The following ZCCHC17 variants were observed in gnomAD, a reference collection of about 807,000 sequenced individuals.
The protein encoded by ZCCHC17 is zinc finger CCHC-type containing 17, also known as zinc finger CCHC domain-containing protein 17.
Under a neutral mutation model 30.6 loss-of-function variants are expected in ZCCHC17, and 18 were observed. That is an observed-to-expected ratio of 0.59 (90% CI 0.41 to 0.87). The LOEUF is 0.87. Ranked by LOEUF, ZCCHC17 falls within the 40% of genes least tolerant of loss-of-function variation. The pLI is 0.00. For synonymous variants in ZCCHC17, 88 were observed against 92.4 expected (o/e 0.95, Z 0.27); for missense variants, 263 against 284.2 (o/e 0.93, Z 0.54).
chr1:31,341,817 A>C (rs1245283150), intron 5 of ZCCHC17, among the ~76,000 whole-genome samples: 1 of 152,256 alleles, frequency 6.6e-6, no homozygotes, highest in Non-Finnish European at 1.5e-5. Context: ...GTAAGGAGCC[A>C]GCTTCATGTC....
chr1:31,361,350 T>A (rs575287102), intron 7 of ZCCHC17, among the ~76,000 whole-genome samples: 1 of 152,226 alleles, frequency 6.6e-6, no homozygotes, highest in Admixed American at 6.5e-5. Context: ...GAAAAATACA[T>A]ATAGCTCCCA....
intron 3 of ZCCHC17, among the ~76,000 whole-genome samples, chr1:31,334,122 A>G (rs967782633): frequency 1.3e-5 from 2 of 152,206 alleles, no homozygotes; most frequent in African/African-American, 4.8e-5. Context: ...CATAATGTAT[A>G]TAAAACATTT....
chr1:31,344,785 G>A (rs1299918021), intron 5 of ZCCHC17, among the ~76,000 whole-genome samples: 2 of 152,134 alleles, frequency 1.3e-5, no homozygotes, highest in Non-Finnish European at 2.9e-5. Flanking sequence ...CAAATAGATA[G>A]GTGAAAGCAA....
chr1:31,341,657 T>G (rs1471728034), intron 5 of ZCCHC17, among the ~76,000 whole-genome samples: 1 of 152,208 alleles, frequency 6.6e-6, no homozygotes, highest in African/African-American at 2.4e-5. Context: ...GAGCTAGACT[T>G]GAATCAGAAA....
chr1:31,341,078 C>G (rs1639030950), intron 5 of ZCCHC17, among the ~76,000 whole-genome samples: 1 of 152,190 alleles, frequency 6.6e-6, no homozygotes, highest in African/African-American at 2.4e-5. Context: ...AGAAAATTAT[C>G]AGGGACTCAA....
intron 7 of ZCCHC17, among the ~76,000 whole-genome samples, chr1:31,363,774 G>A (rs1298519270): frequency 1.3e-5 from 2 of 152,140 alleles, no homozygotes; most frequent in Non-Finnish European, 2.9e-5. Flanking sequence ...GCAACAGAGC[G>A]AGACTGTCTA....
At chr1:31,343,267 C>G (rs917188814) in intron 5 of ZCCHC17, among the ~76,000 whole-genome samples, 2 of 152,116 alleles carry the variant, frequency 1.3e-5, no homozygotes, top group African/African-American at 4.8e-5. Context: ...ACCATGTTGG[C>G]CAGGCTGGTC....
chr1:31,345,694 C>T (rs1639243881), intron 5 of ZCCHC17, among the ~76,000 whole-genome samples: 1 of 150,338 alleles, frequency 6.7e-6, no homozygotes, highest in African/African-American at 2.5e-5. Context: ...CTGGGGAGGC[C>T]TCAGGAAACT....
intron 5 of ZCCHC17, among the ~76,000 whole-genome samples, chr1:31,343,844 TA>T: frequency 1.5e-5 from 2 of 131,100 alleles, no homozygotes. Flanking sequence ...CATGCCCCAC[TA>T]ATTTTTTTTT....
rs557618363 is a variant in ZCCHC17 at position 31,358,842 on chromosome 1, A to T, written c.565-5190A>T. 2.0e-5 allele frequency among the ~76,000 whole-genome samples: 3 copies of T among 152,296 alleles called. No homozygotes were observed. In the South Asian group the frequency reaches 6.2e-4, roughly 32 times the overall value. ...ATATATAAATTTGGGAGTCATCTACATATAGATGGTATTTATGTTCATGAG... is the reference window on the plus strand; with the variant it reads ...ATATATAAATTTGGGAGTCATCTACTTATAGATGGTATTTATGTTCATGAG... On this transcript the variant is annotated intron_variant, in intron 7 of 7. Transcript: ENST00000344147.
rs964325380 is a variant in ZCCHC17 at position 31,336,637 on chromosome 1, A to G, written c.125-538A>G. Among the ~76,000 whole-genome samples the G allele has an allele frequency of 2.0e-5, 3 of 152,132 alleles. No individual in the cohort carries two copies. The South Asian group carries it at 6.2e-4, about 32-fold the overall frequency. On this transcript the variant is annotated intron_variant, in intron 3 of 7. Transcript: ENST00000344147. ...TGGCCTTGCAAAGTGTTGGGATTAC[A>G]GGCGTGAGCCACTGTGCCTGGCCTA... is the stretch of plus-strand genomic sequence containing the variant.
chr1:31,333,637 T>C (rs1638684754), intron 3 of ZCCHC17, among the ~76,000 whole-genome samples: 1 of 152,210 alleles, frequency 6.6e-6, no homozygotes, highest in Admixed American at 6.5e-5. Context: ...AGTTGTAGCA[T>C]AAAATAAATA....
intron 2 of ZCCHC17, among the ~76,000 whole-genome samples, chr1:31,317,314 C>T (rs769121522): frequency 2.6e-5 from 4 of 152,158 alleles, no homozygotes; most frequent in South Asian, 4.1e-4. Flanking sequence ...CATGAGCCTC[C>T]GTGCCTGGCC....
intron 3 of ZCCHC17, among the ~76,000 whole-genome samples, chr1:31,324,503 G>A (rs1323049537): frequency 6.6e-6 from 1 of 152,238 alleles, no homozygotes; most frequent in Non-Finnish European, 1.5e-5. Flanking sequence ...CTGCACTCTT[G>A]GAGGTCCGGG....
At chr1:31,297,818 A>G (rs1569697996) in intron 1 of ZCCHC17, among the ~76,000 whole-genome samples, 2 of 152,300 alleles carry the variant, frequency 1.3e-5, no homozygotes, top group Admixed American at 1.3e-4. Context: ...AGAACCTTCC[A>G]TAGAGAACTA....
chr1:31,358,340 T>C (rs564803825), intron 7 of ZCCHC17, among the ~76,000 whole-genome samples: 1 of 152,300 alleles, frequency 6.6e-6, no homozygotes, highest in Admixed American at 6.5e-5. Context: ...ATGGATGTTA[T>C]TAGAGGTTTT....
In ZCCHC17 at chr1:31,364,306, C is replaced by T; in HGVS notation, c.*113C>T. ...ATAGCCTCCCACCCCATTAACTTCGCTCCCATGGGAGATGGCTTCCCCTCA... is the reference window on the plus strand; with the variant it reads ...ATAGCCTCCCACCCCATTAACTTCGTTCCCATGGGAGATGGCTTCCCCTCA... On this transcript the variant is annotated 3_prime_UTR_variant, in exon 8 of 8. Coordinates refer to ENST00000344147, the MANE Select transcript of ZCCHC17 (RefSeq NM_016505.4). 1 of 1,438,636 alleles carries T rather than the reference C, an allele frequency of 7.0e-7. No individual in the cohort carries two copies. The highest frequency in any genetic ancestry group is 9.2e-7 in the Non-Finnish European group (1 of 1,092,308). 89.1% of individuals were successfully genotyped at this position (1,438,636 alleles called of 1,614,324 possible). A position where few individuals can be genotyped will look rare whatever the true frequency, so the allele number is the denominator to read the frequency against.
chr1:31,345,823 A>C (rs1465609422), intron 5 of ZCCHC17, among the ~76,000 whole-genome samples: 1 of 151,566 alleles, frequency 6.6e-6, no homozygotes, highest in Non-Finnish European at 1.5e-5. Context: ...AGATCTCATG[A>C]GAACTCCCTC....
chr1:31,336,371 A>G (rs1238791022), intron 3 of ZCCHC17, among the ~76,000 whole-genome samples: 1 of 152,232 alleles, frequency 6.6e-6, no homozygotes, highest in South Asian at 2.1e-4. Context: ...ATATTCTTGC[A>G]TCAAAGATAA....
Sources: gnomAD v4.1 joint callset for allele counts (sites outside exome capture counted in the v4.1 genomes callset) on GRCh38, gnomAD v4.1.1 for gene constraint, MANE v1.5 for transcripts, NCBI Gene and HGNC (gene_info 2026-07-23, HGNC 2026-07-21) for gene names.